Variants in CBLB observed in about 807,000 individuals in gnomAD.
CBLB encodes E3 ubiquitin-protein ligase CBL-B.
In CBLB, 31 loss-of-function variants were observed where a neutral mutation model predicts 104.9. That is an observed-to-expected ratio of 0.30 (90% confidence interval 0.22 to 0.40). The LOEUF is 0.40. CBLB is among the 10% of genes least tolerant of loss of function. The probability of loss-of-function intolerance (pLI) is 1.00; values close to 1 mark genes in which losing one functional copy is unlikely to be tolerated. For missense variants in CBLB, 1,062 were observed against 1,214.6 expected (o/e 0.87, Z 1.87); for synonymous variants, 440 against 422.6 (o/e 1.04, Z -0.51).
At chr3:105,705,310 T>G (rs889441961) in intron 10 of CBLB, among the ~76,000 whole-genome samples, 6 of 152,222 alleles carry the variant, frequency 3.9e-5, no homozygotes, top group African/African-American at 1.4e-4. Flanking sequence ...TTAGTTACAT[T>G]GTATAAGGCT....
intron 3 of CBLB, among the ~76,000 whole-genome samples, chr3:105,849,489 T>A (rs560011983): frequency 9.9e-5 from 15 of 152,242 alleles, no homozygotes; most frequent in South Asian, 2.1e-4. Flanking sequence ...ATAGTCAGCA[T>A]TATGAGAGCT....
At chr3:105,715,880 A>T (rs534068380) in intron 10 of CBLB, among the ~76,000 whole-genome samples, 1 of 152,248 alleles carries the variant, frequency 6.6e-6, no homozygotes, top group African/African-American at 2.4e-5. Flanking sequence ...CTCTACTAAA[A>T]ATACAAAAAT....
At chr3:105,831,020 T>A (rs1339035428) in intron 3 of CBLB, among the ~76,000 whole-genome samples, 2 of 152,218 alleles carry the variant, frequency 1.3e-5, no homozygotes, top group East Asian at 3.8e-4. Flanking sequence ...CCTTGTCATT[T>A]AAATACGAAA....
At position 105,681,494 on chromosome 3, in the gene CBLB, G is replaced by C; in HGVS notation, c.2413C>G (p.Leu805Val). 1 of 1,614,146 alleles carries C rather than the reference G, an allele frequency of 6.2e-7. No homozygotes were observed. The part of the protein sequence containing the change: ...LNRTPSDYDL[L>V]IPPLGEDAFD... ...AGGTTTCAACCTAATGGAGGGATGA[G>C]AAGATCATAATCAGAGGGCGTCCTG... Residue 805 changes from leucine to valine, a missense_variant, in exon 16 of 19, where the codon CTC (leucine) becomes GTC (valine). This residue lies in a region of CBLB where 605 missense variants were observed against 582.6 expected (regional missense o/e 1.04). Coordinates refer to ENST00000394030, the MANE Select transcript of CBLB (RefSeq NM_170662.5).
chr3:105,764,492 G>GTT (rs2078004606), intron 4 of CBLB, among the ~76,000 whole-genome samples: 1 of 152,108 alleles, frequency 6.6e-6, no homozygotes, highest in Admixed American at 6.6e-5. Context: ...GCCCATGTAA[G>GTT]ACAGCAAACT....
intron 10 of CBLB, 30 bp downstream of exon 10, chr3:105,720,017 C>T: frequency 1.3e-6 from 2 of 1,510,806 alleles, no homozygotes; most frequent in South Asian, 1.1e-5. Context: ...GGTCACATCA[C>T]CTTAACTAAA....
chr3:105,859,574 G>A (rs2091921601), intron 2 of CBLB, among the ~76,000 whole-genome samples: 1 of 150,444 alleles, frequency 6.6e-6, no homozygotes, highest in Non-Finnish European at 1.5e-5. Context: ...AGAATGGCGT[G>A]AACCCAGGAG....
intron 3 of CBLB, among the ~76,000 whole-genome samples, chr3:105,799,479 T>C (rs911964316): frequency 2.6e-5 from 4 of 152,188 alleles, no homozygotes; most frequent in Non-Finnish European, 4.4e-5. Flanking sequence ...AAAGTTATTC[T>C]ATGCACAACT....
chr3:105,810,672 T>G (rs2084167442), intron 3 of CBLB, among the ~76,000 whole-genome samples: 1 of 152,122 alleles, frequency 6.6e-6, no homozygotes, highest in African/African-American at 2.4e-5. Context: ...TAATTTATAG[T>G]TCTGTCATGT....
chr3:105,732,278 T>C (rs2074401711), intron 9 of CBLB, among the ~76,000 whole-genome samples: 1 of 152,210 alleles, frequency 6.6e-6, no homozygotes, highest in Non-Finnish European at 1.5e-5. Flanking sequence ...CCAACATATC[T>C]ACATTTATTG....
intron 7 of CBLB, 101 bp from the exon 8 acceptor site, chr3:105,737,359 G>A (rs1159018234): frequency 3.6e-6 from 2 of 559,132 alleles, no homozygotes; most frequent in Non-Finnish European, 6.4e-6. Context: ...ACATTTGGAT[G>A]TTTCCTTTTC....
At chr3:105,679,229 T>C (rs1014349753) in intron 16 of CBLB, among the ~76,000 whole-genome samples, 2 of 151,796 alleles carry the variant, frequency 1.3e-5, no homozygotes, top group East Asian at 3.9e-4. Context: ...CATTTGCATA[T>C]TTCCCAGCTT....
chr3:105,860,027 T>C lies in CBLB; in HGVS notation c.169-6363A>G, dbSNP rs560599017. Among the ~76,000 whole-genome samples the C allele has an allele frequency of 2.0e-5, 3 of 152,290 alleles. No homozygotes were observed. In the East Asian group the frequency reaches 5.8e-4, roughly 29 times the overall value. On this transcript the variant is annotated intron_variant, in intron 2 of 18. Coordinates refer to ENST00000394030, the MANE Select transcript of CBLB (RefSeq NM_170662.5). ...TTCCACGAAGATGTCTTCAGAAGAT[T>C]GACATTAAGAAGCACCATTAAAGAA...
rs767149622 is a variant in CBLB at position 105,702,366 on chromosome 3, G to A, written c.1687C>T (p.Pro563Ser). Residue 563 changes from proline to serine, a missense_variant, in exon 12 of 19, where the codon CCA becomes TCA. By Grantham distance (74) the Pro-to-Ser change is moderately conservative (BLOSUM62 -1). Transcript: ENST00000394030. ...DPPPPPPERP[P>S]PIPPDNRLSR... ...AGTCTATTGTCTGGTGGGATTGGTGGAGGTCTTTCAGGTGGCGGTGGAGGA... is the reference window on the plus strand; with the variant it reads ...AGTCTATTGTCTGGTGGGATTGGTGAAGGTCTTTCAGGTGGCGGTGGAGGA... 2 of 1,612,856 alleles carry A rather than the reference G, an allele frequency of 1.2e-6. No homozygotes were observed. The highest frequency in any genetic ancestry group is 1.7e-6 in the Non-Finnish European group (2 of 1,179,368).
In CBLB at chr3:105,808,448, AG is replaced by A. The variant is rs2083810127; in HGVS notation, c.420-31907del. 8.5e-5 allele frequency among the ~76,000 whole-genome samples: 13 copies of A among 152,306 alleles called. No individual in the cohort carries two copies. In the South Asian group the frequency reaches 2.7e-3, roughly 32 times the overall value. ...ATTCACCTGAAATTCCATCAGGACA[AG>A]ATCTGTGTTTTCATAATATAAACTT... is the stretch of plus-strand genomic sequence containing the variant. On this transcript the variant is annotated intron_variant, in intron 3 of 18. Coordinates refer to ENST00000394030, the MANE Select transcript of CBLB (RefSeq NM_170662.5).
At chr3:105,687,014 A>G (rs1286710293) in intron 13 of CBLB, among the ~76,000 whole-genome samples, 2 of 152,124 alleles carry the variant, frequency 1.3e-5, no homozygotes, top group African/African-American at 4.8e-5. Context: ...TGGAACTGGG[A>G]GAGACTTATA....
chr3:105,844,010 T>C (rs969855790), intron 3 of CBLB, among the ~76,000 whole-genome samples: 1 of 152,156 alleles, frequency 6.6e-6, no homozygotes, highest in African/African-American at 2.4e-5. Context: ...TGTAATGAAG[T>C]CAAGATGGGG....
At chr3:105,846,948 T>A (rs1249081809) in intron 3 of CBLB, among the ~76,000 whole-genome samples, 1 of 152,124 alleles carries the variant, frequency 6.6e-6, no homozygotes, top group Admixed American at 6.6e-5. Flanking sequence ...TGTATAAATA[T>A]AAATTTAAGC....
intron 17 of CBLB, chr3:105,671,193 AT>A (rs1312073277): frequency 5.0e-6 from 1 of 198,756 alleles, no homozygotes; most frequent in Non-Finnish European, 1.0e-5. Flanking sequence ...TTCTTAGAGA[AT>A]TGATTCCCTT....
Sources: gnomAD v4.1 joint callset for allele counts (sites outside exome capture counted in the v4.1 genomes callset) on GRCh38, gnomAD v4.1.1 for gene constraint, gnomAD v4.1.1 regional missense constraint, MANE v1.5 for transcripts, NCBI Gene and HGNC (gene_info 2026-07-23, HGNC 2026-07-21) for gene names.